Variants in AP5B1 observed in about 807,000 individuals in gnomAD.
The protein encoded by AP5B1 is AP-5 complex subunit beta-1.
Under a neutral mutation model 5.7 loss-of-function variants are expected in AP5B1, and 3 were observed. That is an observed-to-expected ratio of 0.53 (90% CI 0.24 to 1.36). The LOEUF (loss-of-function observed/expected upper bound fraction) is 1.36, where lower values mean the gene tolerates loss of function less well. Ranked by LOEUF, AP5B1 falls within the 40% of genes most tolerant of loss-of-function variation. The pLI is 0.17. For synonymous variants in AP5B1, 696 were observed against 555.5 expected (o/e 1.25, Z -3.56); for missense variants, 1,310 against 1,143.2 (o/e 1.15, Z -2.10).
In AP5B1 at chr11:65,778,348, C is replaced by A. The variant is rs769183744; in HGVS notation, c.2145G>T (p.Leu715=). 3.1e-6 allele frequency: 5 copies of A among 1,610,870 alleles called. No homozygotes were observed. In the South Asian group the frequency reaches 5.5e-5, roughly 18 times the overall value. The change falls in exon 2 of 2, where the codon CTG becomes CTT. Residue 715 remains leucine (L), a synonymous_variant. Transcript: ENST00000532090. ...APLEAVHVPC[L]CPGRPARPLL... ...GAGGGCGGGCAGGGCGGCCAGGACA[C>A]AGGCAGGGCACATGGACAGCCTCCA...
At position 65,779,326 on chromosome 11, in the gene AP5B1, G is replaced by A. The variant is rs1857812180; in HGVS notation, c.1167C>T (p.Ala389=). The change falls in exon 2 of 2, where the codon GCC becomes GCT. Residue 389 remains alanine, a synonymous_variant. Coordinates refer to ENST00000532090, the MANE Select transcript of AP5B1 (RefSeq NM_138368.5). ...WPLGPEGEEA[A]PLLLGPQLCR... ...ATAGCTGGGGCCCTAGCAGCAGTGG[G>A]GCAGCCTCCTCACCTTCAGGGCCCA... 3 of 1,597,710 alleles carry A rather than the reference G, an allele frequency of 1.9e-6. No homozygotes were observed. The highest frequency in any genetic ancestry group is 2.2e-5 in the East Asian group (1 of 44,722).
chr11:65,778,221 G>A lies in AP5B1; in HGVS notation c.2272C>T (p.Pro758Ser). Residue 758 changes from proline to serine, a missense_variant, in exon 2 of 2, where the codon CCC becomes TCC. Coordinates refer to ENST00000532090, the MANE Select transcript of AP5B1 (RefSeq NM_138368.5). ...TGLTCHAHLPPLFVNFADLFL... is the reference protein window; with the variant it reads ...TGLTCHAHLPSLFVNFADLFL... ...AGGTCGGCAAAGTTCACGAACAGGG[G>A]TGGCAAGTGGGCATGGCACGTGAGA... 6.2e-7 allele frequency: 1 copy of A among 1,613,410 alleles called. No homozygotes were observed. The highest frequency in any genetic ancestry group is 8.5e-7 in the Non-Finnish European group (1 of 1,179,896).
In AP5B1 at chr11:65,777,834, C is replaced by A. The variant is rs952032415; in HGVS notation, c.*22G>T. ...GGCCCCCACAAGGGCCACAGTCCTGCCCCCACCTGGTCTCCCGGGGCTCAG... is the reference window on the plus strand; with the variant it reads ...GGCCCCCACAAGGGCCACAGTCCTGACCCCACCTGGTCTCCCGGGGCTCAG... On this transcript the variant is annotated 3_prime_UTR_variant, in exon 2 of 2. Transcript: ENST00000532090. The A allele has an allele frequency of 5.3e-6, 8 of 1,501,002 alleles. No individual in the cohort carries two copies. The East Asian group carries it at 1.2e-4, about 23-fold the overall frequency. The allele number at this position is 1,501,002 out of a possible 1,614,324, so 93.0% of individuals were successfully genotyped here.
At position 65,777,250 on chromosome 11, in the gene AP5B1, C is replaced by G. The variant is rs1857775234; in HGVS notation, c.*606G>C. 6.6e-6 allele frequency: 1 copy of G among 152,372 alleles called. No individual in the cohort carries two copies. The allele number at this position is 152,372 out of a possible 1,614,324, so 9.4% of individuals were successfully genotyped here. A position where few individuals can be genotyped will look rare whatever the true frequency, so the allele number is the denominator to read the frequency against. On this transcript the variant is annotated 3_prime_UTR_variant, in exon 2 of 2. Coordinates refer to ENST00000532090, the MANE Select transcript of AP5B1 (RefSeq NM_138368.5). ...TCTGGGAAGCAGAAAGGAGATTTTT[C>G]CCCTGCCTCCTGGGCAGAGATTCTG... is the stretch of plus-strand genomic sequence containing the variant.
chr11:65,779,109 C>A lies in AP5B1; in HGVS notation c.1384G>T (p.Ala462Ser). ...AALDGGPRAL[A>S]TLCFQASYLV... ...TACGAGGCCTGGAAGCAGAGAGTGG[C>A]CAAGGCCCGGGGGCCCCCATCCAGG... The change falls in exon 2 of 2, where the codon GCC becomes TCC. Residue 462 changes from alanine (A) to serine (S), a missense_variant. Transcript: ENST00000532090. 6.2e-7 allele frequency: 1 copy of A among 1,608,594 alleles called. No individual in the cohort carries two copies. The highest frequency in any genetic ancestry group is 8.5e-7 in the Non-Finnish European group (1 of 1,178,160).
At position 65,778,436 on chromosome 11, in the gene AP5B1, G is replaced by A. The variant is rs182639311; in HGVS notation, c.2057C>T (p.Ala686Val). ...CTCCAGAGAGTAGATGGGCTCCAGC[G>A]CCTCCGGCTGGAGCTTCAACACTGG... ...PLPVLKLQPE[A>V]LEPIYSLELR... is the part of the protein sequence containing the mutation. The change falls in exon 2 of 2, where the codon GCG (alanine) becomes GTG (valine). Residue 686 changes from alanine (A) to valine (V), a missense_variant. Transcript: ENST00000532090. The A allele has an allele frequency of 2.6e-5, 41 of 1,575,428 alleles. No homozygotes were observed. Among genetic ancestry groups the A allele is most frequent in the East Asian group, 1.6e-4 (7 of 43,124 alleles).
rs528473311 is a variant in AP5B1, at chr11:65,775,832, C to G, written c.*2024G>C. ...GACAAAGCAAGTTATTGCCACATCT[C>G]AAGTTTGAGACAGGCCTCCTGACTC... On this transcript the variant is annotated 3_prime_UTR_variant, in exon 2 of 2. Coordinates refer to ENST00000532090, the MANE Select transcript of AP5B1 (RefSeq NM_138368.5). 1 of 152,210 alleles carries G rather than the reference C, an allele frequency of 6.6e-6. No homozygotes were observed. Among genetic ancestry groups the G allele is most frequent in the Non-Finnish European group, 1.5e-5 (1 of 68,028 alleles). The allele number at this position is 152,210 out of a possible 1,614,324, so 9.4% of individuals were successfully genotyped here.
In AP5B1 at chr11:65,779,666, T is replaced by C. The variant is rs750212367; in HGVS notation, c.827A>G (p.Asp276Gly). ...ELRAAVIQLL[D>G]TSYLLTPVAQ... ...CACAGGAGTGAGCAGATAGGAGGTG[T>C]CCAGAAGCTGGATCACCGCAGCCCG... Residue 276 changes from aspartate to glycine, a missense_variant, in exon 2 of 2, where the codon GAC becomes GGC. Coordinates refer to ENST00000532090, the MANE Select transcript of AP5B1 (RefSeq NM_138368.5). The C allele has an allele frequency of 2.6e-5, 42 of 1,611,938 alleles. No homozygotes were observed. Among genetic ancestry groups the C allele is most frequent in the Admixed American group, 3.3e-5 (2 of 59,970 alleles).
In AP5B1 at chr11:65,779,962, C is replaced by A; in HGVS notation, c.531G>T (p.Gly177=). The A allele has an allele frequency of 6.3e-7, 1 of 1,581,674 alleles. No individual in the cohort carries two copies. The highest frequency in any genetic ancestry group is 1.1e-5 in the South Asian group (1 of 87,746). The stretch of plus-strand genomic sequence containing the variant: ...TGAGTGGCTGGACAGGGCCTTCCTG[C>A]CCCAGCAGGCCCCGCAGCAACCCCA... ...GSLGLLRGLL[G]QEGPVQPLSL... The change falls in exon 2 of 2, where the codon GGG becomes GGT. Residue 177 remains glycine, a synonymous_variant. Coordinates refer to ENST00000532090, the MANE Select transcript of AP5B1 (RefSeq NM_138368.5).
Position 65,778,065 on chromosome 11 carries a change from A to C in AP5B1, c.2428T>G (p.Leu810Val). The C allele has an allele frequency of 6.2e-7, 1 of 1,612,748 alleles. No homozygotes were observed. The highest frequency in any genetic ancestry group is 8.5e-7 in the Non-Finnish European group (1 of 1,179,850). The change falls in exon 2 of 2, where the codon TTG becomes GTG. Residue 810 changes from leucine (L) to valine (V), a missense_variant. By Grantham distance (32) the Leu-to-Val change is conservative. Coordinates refer to ENST00000532090, the MANE Select transcript of AP5B1 (RefSeq NM_138368.5). ...CPLGPQGLEG[L>V]VSRHLEPFVV... is the part of the protein sequence containing the mutation. Reference sequence around the variant, plus strand: ...AAAGGCTCCAGGTGGCGGGACACCAAGCCCTCCAGGCCCTGTGGCCCAAGT... The same window carrying C: ...AAAGGCTCCAGGTGGCGGGACACCACGCCCTCCAGGCCCTGTGGCCCAAGT...
chr11:65,779,729 G>A lies in AP5B1; in HGVS notation c.764C>T (p.Thr255Ile). ...AEEGEGERSL[T>I]AREHSPEEAR... ...CTCCTCAGGGCTGTGCTCTCGTGCT[G>A]TAAGGCTACGCTCCCCCTCTCCCTC... The change falls in exon 2 of 2, where the codon ACA (threonine) becomes ATA (isoleucine). Residue 255 changes from threonine (T) to isoleucine (I), a missense_variant. Thr to Ile is a moderately conservative substitution (Grantham distance 89, BLOSUM62 -1). Transcript: ENST00000532090. 6.2e-7 allele frequency: 1 copy of A among 1,605,930 alleles called. No homozygotes were observed. Among genetic ancestry groups the A allele is most frequent in the Non-Finnish European group, 8.5e-7 (1 of 1,176,294 alleles).
rs1204934697 is a variant in AP5B1 at position 65,779,952 on chromosome 11, G to A, written c.541C>T (p.Pro181Ser). The A allele has an allele frequency of 6.3e-7, 1 of 1,590,818 alleles. No individual in the cohort carries two copies. Among genetic ancestry groups the A allele is most frequent in the Admixed American group, 1.8e-5 (1 of 56,616 alleles). The stretch of plus-strand genomic sequence containing the variant: ...AGCAACAGGCTGAGTGGCTGGACAG[G>A]GCCTTCCTGCCCCAGCAGGCCCCGC... ...LLRGLLGQEG[P>S]VQPLSLLLAL... is the part of the protein sequence containing the mutation. The change falls in exon 2 of 2, where the codon CCT becomes TCT. Residue 181 changes from proline (P) to serine (S), a missense_variant. Physicochemically the swap from Pro to Ser is moderately conservative, Grantham distance 74. Coordinates refer to ENST00000532090, the MANE Select transcript of AP5B1 (RefSeq NM_138368.5).
Position 65,778,238 on chromosome 11 carries a change from C to G in AP5B1, c.2255G>C (p.Cys752Ser). Residue 752 changes from cysteine (C) to serine (S), a missense_variant, in exon 2 of 2, where the codon TGC becomes TCC. Cys to Ser is a moderately radical substitution (Grantham distance 112, BLOSUM62 -1). Coordinates refer to ENST00000532090, the MANE Select transcript of AP5B1 (RefSeq NM_138368.5). The stretch of plus-strand genomic sequence containing the variant: ...GAACAGGGGTGGCAAGTGGGCATGG[C>G]ACGTGAGACCAGTGGATGTGGTGTA... ...ALYTTSTGLT[C>S]HAHLPPLFVN... The G allele has an allele frequency of 6.2e-7, 1 of 1,613,432 alleles. No individual in the cohort carries two copies. Among genetic ancestry groups the G allele is most frequent in the Non-Finnish European group, 8.5e-7 (1 of 1,179,896 alleles).
chr11:65,779,121 G>A lies in AP5B1; in HGVS notation c.1372C>T (p.Pro458Ser). 2 of 1,608,990 alleles carry A rather than the reference G, an allele frequency of 1.2e-6. No individual in the cohort carries two copies. Among genetic ancestry groups the A allele is most frequent in the Non-Finnish European group, 1.7e-6 (2 of 1,178,360 alleles). Reference protein sequence around the residue: ...LRQRAALDGGPRALATLCFQA... With the variant: ...LRQRAALDGGSRALATLCFQA... The stretch of plus-strand genomic sequence containing the variant: ...AAGCAGAGAGTGGCCAAGGCCCGGG[G>A]GCCCCCATCCAGGGCTGCCCGCTGC... The change falls in exon 2 of 2, where the codon CCC becomes TCC. Residue 458 changes from proline to serine, a missense_variant. Pro to Ser is a moderately conservative substitution (Grantham distance 74). Transcript: ENST00000532090.
chr11:65,780,503 T>G lies in AP5B1; in HGVS notation c.89A>C (p.Glu30Ala). The G allele has an allele frequency of 6.6e-7, 1 of 1,512,102 alleles. No individual in the cohort carries two copies. Among genetic ancestry groups the G allele is most frequent in the East Asian group, 2.6e-5 (1 of 38,036 alleles). The allele number at this position is 1,512,102 out of a possible 1,614,324, so 93.7% of individuals were successfully genotyped here. ...GCTCAGCAGGTCGCGACCCAAATCC[T>G]CCCCCTCGGGACCTGCCATGAAGGC... is the stretch of plus-strand genomic sequence containing the variant. ...PSAFMAGPEG[E>A]DLGRDLLSDL... Residue 30 changes from glutamate (E) to alanine (A), a missense_variant, in exon 1 of 2, where the codon GAG becomes GCG. Coordinates refer to ENST00000532090, the MANE Select transcript of AP5B1 (RefSeq NM_138368.5).
rs770688694 is a variant in AP5B1, at chr11:65,778,751, C to T, written c.1742G>A (p.Arg581Gln). 3.1e-6 allele frequency: 5 copies of T among 1,607,522 alleles called. No individual in the cohort carries two copies. The highest frequency in any genetic ancestry group is 4.5e-5 in the East Asian group (2 of 44,778). The part of the protein sequence containing the change: ...DLQQGLLRVC[R>Q]ALLRAGVRGG... ...CCTCACCCCTGCCCGCAGCAGCGCC[C>T]GGCAGACCCGCAGCAGGCCCTGCTG... Residue 581 changes from arginine (R) to glutamine (Q), a missense_variant, in exon 2 of 2, where the codon CGG becomes CAG. By Grantham distance (43) the Arg-to-Gln change is conservative (BLOSUM62 1). Coordinates refer to ENST00000532090, the MANE Select transcript of AP5B1 (RefSeq NM_138368.5).
chr11:65,778,228 G>A lies in AP5B1; in HGVS notation c.2265C>T (p.His755=). Residue 755 remains histidine, a synonymous_variant, in exon 2 of 2, where the codon CAC becomes CAT. Coordinates refer to ENST00000532090, the MANE Select transcript of AP5B1 (RefSeq NM_138368.5). ...TTSTGLTCHA[H]LPPLFVNFAD... ...CAAAGTTCACGAACAGGGGTGGCAA[G>A]TGGGCATGGCACGTGAGACCAGTGG... is the stretch of plus-strand genomic sequence containing the variant. 1.9e-6 allele frequency: 3 copies of A among 1,613,458 alleles called. No individual in the cohort carries two copies. In the South Asian group the frequency reaches 3.3e-5, roughly 18 times the overall value.
At position 65,780,793 on chromosome 11, in the gene AP5B1, G is replaced by T; in HGVS notation, c.-202C>A. 1 of 425,438 alleles carries T rather than the reference G, an allele frequency of 2.4e-6. No individual in the cohort carries two copies. Among genetic ancestry groups the T allele is most frequent in the Non-Finnish European group, 3.9e-6 (1 of 258,576 alleles). The allele number at this position is 425,438 out of a possible 1,614,324, so 26.4% of individuals were successfully genotyped here. Reference sequence around the variant, plus strand: ...GAGCTGGGCGCCGGGGCCCTCGCGGGACAGGACAGGAGCAGGGCGGGGGAG... The same window carrying T: ...GAGCTGGGCGCCGGGGCCCTCGCGGTACAGGACAGGAGCAGGGCGGGGGAG... On this transcript the variant is annotated 5_prime_UTR_variant, in exon 1 of 2. Transcript: ENST00000532090.
In AP5B1 at chr11:65,778,962, C is replaced by T. The variant is rs753611280; in HGVS notation, c.1531G>A (p.Val511Met). The T allele has an allele frequency of 5.6e-6, 9 of 1,612,756 alleles. No homozygotes were observed. The Admixed American group carries it at 1.0e-4, about 18-fold the overall frequency. Residue 511 changes from valine to methionine, a missense_variant, in exon 2 of 2, where the codon GTG becomes ATG. Transcript: ENST00000532090. ...APHFVDLLDQ[V>M]DSELREPLKV... ...AGGGGCTCCCTCAGCTCAGAGTCCACCTGATCCAAGAGGTCCACAAAGTGG... is the reference window on the plus strand; with the variant it reads ...AGGGGCTCCCTCAGCTCAGAGTCCATCTGATCCAAGAGGTCCACAAAGTGG...
Sources: gnomAD v4.1 joint callset for allele counts on GRCh38, gnomAD v4.1.1 for gene constraint, MANE v1.5 for transcripts, NCBI Gene and HGNC (gene_info 2026-07-23, HGNC 2026-07-21) for gene names.